Variants in RAPGEF6 observed in about 807,000 individuals in gnomAD.
The protein encoded by RAPGEF6 is Rap guanine nucleotide exchange factor 6, also known as PDZ domain containing guanine nucleotide exchange factor (GEF) 2.
In RAPGEF6, 56 loss-of-function variants were observed where a neutral mutation model predicts 171.4. The observed-to-expected ratio is 0.33, with a 90% CI of 0.26 to 0.41. RAPGEF6 has a LOEUF of 0.41. Among genes scored for constraint, RAPGEF6 ranks in the 10% least tolerant of loss-of-function variants. The probability of loss-of-function intolerance (pLI) is 1.00; values close to 1 mark genes in which losing one functional copy is unlikely to be tolerated. For synonymous variants in RAPGEF6, 692 were observed against 650.1 expected (o/e 1.06, Z -0.98); for missense variants, 1,674 against 1,921.4 (o/e 0.87, Z 2.41).
intron 16 of RAPGEF6, among the ~76,000 whole-genome samples, chr5:131,474,996 A>ATTTCTG (rs954334399): frequency 6.6e-6 from 1 of 152,244 alleles, no homozygotes; most frequent in African/African-American, 2.4e-5. Flanking sequence ...CTGAATCACT[A>ATTTCTG]TACAAATTAA....
At chr5:131,610,689 G>A (rs1323048613) in intron 1 of RAPGEF6, among the ~76,000 whole-genome samples, 2 of 151,842 alleles carry the variant, frequency 1.3e-5, no homozygotes, top group African/African-American at 4.8e-5. Context: ...GAGAGGATAA[G>A]TACCAGTTGC....
chr5:131,586,803 A>ACC (rs1763282333), intron 4 of RAPGEF6, among the ~76,000 whole-genome samples: 1 of 152,234 alleles, frequency 6.6e-6, no homozygotes. Context: ...ACTCTCACAC[A>ACC]CCACTGGTGG....
intron 2 of RAPGEF6, among the ~76,000 whole-genome samples, chr5:131,604,133 A>G (rs1462046965): frequency 1.3e-5 from 2 of 152,152 alleles, no homozygotes; most frequent in Non-Finnish European, 2.9e-5. Flanking sequence ...TGCTCCTTTC[A>G]CTTGTATAAT....
At chr5:131,491,045 A>G (rs1266235935) in intron 14 of RAPGEF6, among the ~76,000 whole-genome samples, 1 of 150,894 alleles carries the variant, frequency 6.6e-6, no homozygotes, top group Non-Finnish European at 1.5e-5. Flanking sequence ...CATTCTCAAG[A>G]ATGATTTCAC....
chr5:131,500,758 A>G (rs1393083974), intron 11 of RAPGEF6, among the ~76,000 whole-genome samples: 1 of 152,114 alleles, frequency 6.6e-6, no homozygotes, highest in Non-Finnish European at 1.5e-5. Context: ...AGTCATGCTG[A>G]AACTATCGCC....
At position 131,428,976 on chromosome 5, in the gene RAPGEF6, TGA is replaced by T. The variant is rs1751533839; in HGVS notation, c.4704_4705del (p.Gln1569AlafsTer5). The stretch of plus-strand genomic sequence containing the variant: ...TGGCTGCAAATTATGCCTCTGAGGC[TGA>T]GTTACAATCTTCGATGGAACACAGG... On this transcript the variant is annotated frameshift_variant, in exon 27 of 28. Coordinates refer to ENST00000509018, the MANE Select transcript of RAPGEF6 (RefSeq NM_016340.6). LOFTEE classifies it high-confidence loss of function. 1 of 1,614,230 alleles carries T rather than the reference TGA, an allele frequency of 6.2e-7. No individual in the cohort carries two copies. Among genetic ancestry groups the T allele is most frequent in the Non-Finnish European group, 8.5e-7 (1 of 1,180,038 alleles).
At chr5:131,610,711 C>T (rs897460982) in intron 1 of RAPGEF6, among the ~76,000 whole-genome samples, 2 of 152,092 alleles carry the variant, frequency 1.3e-5, no homozygotes, top group Admixed American at 6.5e-5. Context: ...ACCCCGAGAT[C>T]AACCATACAG....
chr5:131,428,513 T>G (rs1167502809), intron 27 of RAPGEF6, among the ~76,000 whole-genome samples: 4 of 151,420 alleles, frequency 2.6e-5, no homozygotes, highest in Non-Finnish European at 5.9e-5. Context: ...CAGGCTGGAG[T>G]GCAATGGTGC....
intron 5 of RAPGEF6, among the ~76,000 whole-genome samples, chr5:131,554,149 T>C (rs1761089358): frequency 6.6e-6 from 1 of 152,134 alleles, no homozygotes; most frequent in Non-Finnish European, 1.5e-5. Flanking sequence ...AAAAATAGAA[T>C]GTATTAATTG....
At chr5:131,433,159 A>C (rs960819991) in intron 25 of RAPGEF6, among the ~76,000 whole-genome samples, 1 of 152,194 alleles carries the variant, frequency 6.6e-6, no homozygotes, top group Non-Finnish European at 1.5e-5. Context: ...CTATATAAGT[A>C]GCAGATGCAC....
rs775376626 is a variant in RAPGEF6 at position 131,548,148 on chromosome 5, C to T, written c.394G>A (p.Glu132Lys). The change falls in exon 6 of 28, where the codon GAA becomes AAA. Residue 132 changes from glutamate (E) to lysine (K), a missense_variant. By Grantham distance (56) the Glu-to-Lys change is moderately conservative (BLOSUM62 1). Around this residue, in one of 3 missense-constraint regions of RAPGEF6, gnomAD observed 1,116 missense variants for 1,321.5 expected, o/e 0.84. Coordinates refer to ENST00000509018, the MANE Select transcript of RAPGEF6 (RefSeq NM_016340.6). ...KDNEDSILQR[E>K]IPARQSRRRF... ...CTTCGGGATTGTCTGGCAGGAATTT[C>T]TCTTTGTAGAATACTATCTTCATTA... 1 of 1,613,946 alleles carries T rather than the reference C, an allele frequency of 6.2e-7. No homozygotes were observed. Among genetic ancestry groups the T allele is most frequent in the Non-Finnish European group, 8.5e-7 (1 of 1,179,914 alleles).
At chr5:131,619,019 C>T (rs1313890168) in intron 1 of RAPGEF6, among the ~76,000 whole-genome samples, 1 of 148,042 alleles carries the variant, frequency 6.8e-6, no homozygotes, top group Non-Finnish European at 1.5e-5. Context: ...CGGCCAGGCT[C>T]TTCAAAAGTG....
chr5:131,628,643 C>G (rs1766098209), intron 1 of RAPGEF6, among the ~76,000 whole-genome samples: 1 of 152,178 alleles, frequency 6.6e-6, no homozygotes, highest in Non-Finnish European at 1.5e-5. Flanking sequence ...ACTTCCATAA[C>G]TAGAGAGGAG....
intron 24 of RAPGEF6, among the ~76,000 whole-genome samples, chr5:131,434,268 G>A (rs1000874481): frequency 3.9e-5 from 6 of 152,202 alleles, no homozygotes; most frequent in African/African-American, 1.2e-4. Context: ...TTTAGACACA[G>A]GGTCCTGCTC....
intron 7 of RAPGEF6, among the ~76,000 whole-genome samples, chr5:131,515,679 A>T (rs754320055): frequency 4.7e-4 from 71 of 152,312 alleles, no homozygotes; most frequent in Middle Eastern, 3.4e-3. Context: ...GGAAGGAGAC[A>T]TTTCTTCTTG....
chr5:131,495,736 C>T, intron 12 of RAPGEF6, 76 bp from the exon 13 acceptor site: 1 of 1,514,984 alleles, frequency 6.6e-7, no homozygotes, highest in Non-Finnish European at 8.9e-7. Flanking sequence ...AAAAGCATGT[C>T]TAAAACTCAT....
At chr5:131,485,395 G>A (rs191263421) in intron 15 of RAPGEF6, among the ~76,000 whole-genome samples, 2 of 152,336 alleles carry the variant, frequency 1.3e-5, no homozygotes, top group East Asian at 3.9e-4. Flanking sequence ...TCTTCGAGGA[G>A]AGAGAGAACT....
At chr5:131,626,208 T>C (rs1765920618) in intron 1 of RAPGEF6, among the ~76,000 whole-genome samples, 2 of 152,076 alleles carry the variant, frequency 1.3e-5, no homozygotes, top group Non-Finnish European at 2.9e-5. Context: ...TTTTTTTCAT[T>C]TTCATCCCCT....
At chr5:131,540,959 C>T (rs1293581444) in intron 6 of RAPGEF6, among the ~76,000 whole-genome samples, 2 of 152,096 alleles carry the variant, frequency 1.3e-5, no homozygotes, top group African/African-American at 2.4e-5. Context: ...CCAGCCCGGG[C>T]GACAGTGCAA....
Sources: gnomAD v4.1 joint callset for allele counts (sites outside exome capture counted in the v4.1 genomes callset) on GRCh38, gnomAD v4.1.1 for gene constraint, gnomAD v4.1.1 regional missense constraint, MANE v1.5 for transcripts, NCBI Gene and HGNC (gene_info 2026-07-23, HGNC 2026-07-21) for gene names.